The following MTOR variants were observed in gnomAD, a reference collection of about 807,000 sequenced individuals.
MTOR encodes mechanistic target of rapamycin kinase, also known as serine/threonine-protein kinase mTOR.
MTOR carries 70 observed loss-of-function variants against 319.8 expected under a neutral mutation model. The observed-to-expected ratio is 0.22, with a 90% CI of 0.18 to 0.27. The LOEUF (loss-of-function observed/expected upper bound fraction) is 0.27, where lower values mean the gene tolerates loss of function less well. Ranked by LOEUF, MTOR falls within the 10% of genes least tolerant of loss-of-function variation. The probability of loss-of-function intolerance (pLI) is 1.00; values close to 1 mark genes in which losing one functional copy is unlikely to be tolerated. For missense variants in MTOR, 1,890 were observed against 3,274.4 expected (o/e 0.58, Z 10.32); for synonymous variants, 1,183 against 1,211.4 (o/e 0.98, Z 0.49).
chr1:11,108,093 A>C, intron 57 of MTOR, 88 bp downstream of exon 57: 1 of 1,048,892 alleles, frequency 9.5e-7, no homozygotes, highest in South Asian at 1.3e-5. Context: ...ATACCTCACC[A>C]AATCTCTTTT....
At chr1:11,208,940 G>A (rs1007146210) in intron 25 of MTOR, among the ~76,000 whole-genome samples, 15 of 152,188 alleles carry the variant, frequency 9.9e-5, no homozygotes, top group Non-Finnish European at 2.9e-5. Flanking sequence ...CAACTGGTAA[G>A]CCCAATGAGT....
At chr1:11,179,035 T>C (rs1219105153) in intron 28 of MTOR, among the ~76,000 whole-genome samples, 1 of 152,194 alleles carries the variant, frequency 6.6e-6, no homozygotes, top group Admixed American at 6.5e-5. Flanking sequence ...GAAAAAACCA[T>C]GCCCACCTTC....
At chr1:11,130,925 G>C (rs995081581) in intron 38 of MTOR, 148 bp from the exon 39 acceptor site, 131 of 1,027,840 alleles carry the variant, frequency 1.3e-4, no homozygotes, top group Non-Finnish European at 1.7e-4. Context: ...CTCAGAAATG[G>C]CTGTTTTACT....
intron 28 of MTOR, among the ~76,000 whole-genome samples, chr1:11,169,540 G>GT (rs1644747168): frequency 6.6e-6 from 1 of 152,200 alleles, no homozygotes; most frequent in South Asian, 2.1e-4. Context: ...GTGATAACAA[G>GT]TTTGAGGGAG....
chr1:11,171,043 A>G (rs1469946474), intron 28 of MTOR, among the ~76,000 whole-genome samples: 2 of 151,110 alleles, frequency 1.3e-5, no homozygotes, highest in Non-Finnish European at 2.9e-5. Flanking sequence ...AAAAATACAA[A>G]AATTAGCTGG....
chr1:11,241,432 TA>T, intron 10 of MTOR, 120 bp downstream of exon 10: 1 of 1,256,886 alleles, frequency 8.0e-7, no homozygotes, highest in Non-Finnish European at 1.1e-6. Flanking sequence ...GTGTTTAGTC[TA>T]AGCTATCCTG....
In MTOR at chr1:11,168,610, T is replaced by C. The variant is rs561173260; in HGVS notation, c.4254-1093A>G. ...TTTGCAGAAGGCTGCCAAGGGACCA[T>C]ATCTAGAGTTTCTTGAACTGGCCTC... On this transcript the variant is annotated intron_variant, in intron 28 of 57. Transcript: ENST00000361445. Among the ~76,000 whole-genome samples the C allele has an allele frequency of 6.6e-5, 10 of 152,278 alleles. No homozygotes were observed. In the South Asian group the frequency reaches 1.5e-3, roughly 22 times the overall value.
chr1:11,213,057 C>G, intron 21 of MTOR, 149 bp from the exon 22 acceptor site: 1 of 623,322 alleles, frequency 1.6e-6, no homozygotes, highest in Non-Finnish European at 2.8e-6. Context: ...CTTTTGATAG[C>G]ACTTTCTTCC....
At chr1:11,163,363 A>AT (rs1367185337) in intron 29 of MTOR, among the ~76,000 whole-genome samples, 1 of 152,194 alleles carries the variant, frequency 6.6e-6, no homozygotes, top group African/African-American at 2.4e-5. Flanking sequence ...CACTGTCAAC[A>AT]TTAGACAGAT....
intron 29 of MTOR, among the ~76,000 whole-genome samples, chr1:11,165,252 A>G (rs1333995104): frequency 1.3e-5 from 2 of 151,302 alleles, no homozygotes; most frequent in African/African-American, 4.9e-5. Context: ...GGCCAGGACA[A>G]TCAGGCAGGA....
Position 11,233,441 on chromosome 1 carries a change from C to G in MTOR, c.2378G>C (p.Gly793Ala). The change falls in exon 15 of 58, where the codon GGT (glycine) becomes GCT (alanine). Residue 793 changes from glycine to alanine, a missense_variant. Gly to Ala is a moderately conservative substitution (Grantham distance 60). Coordinates refer to ENST00000361445, the MANE Select transcript of MTOR (RefSeq NM_004958.4). ...LKDPDPDPNP[G>A]VINNVLATIG... ...TGTTGCCAGGACATTATTGATCACA[C>G]CTGGGTTTGGATCAGGGTCTGGATC... is the stretch of plus-strand genomic sequence containing the variant. 1.2e-6 allele frequency: 2 copies of G among 1,614,084 alleles called. No individual in the cohort carries two copies. Among genetic ancestry groups the G allele is most frequent in the Non-Finnish European group, 1.7e-6 (2 of 1,180,016 alleles).
chr1:11,204,725 T>C (rs772280064), intron 25 of MTOR, 22 bp from the exon 26 acceptor site: 5 of 1,607,572 alleles, frequency 3.1e-6, no homozygotes, highest in Non-Finnish European at 4.3e-6. Context: ...CAGGTGACAA[T>C]GGAAAACAAT....
At chr1:11,255,495 T>C (rs1323266495) in intron 5 of MTOR, among the ~76,000 whole-genome samples, 2 of 151,636 alleles carry the variant, frequency 1.3e-5, no homozygotes, top group East Asian at 3.9e-4. Context: ...GGTATGGCTA[T>C]CAATAGATGT....
chr1:11,189,625 A>G, intron 28 of MTOR: 1 of 1,613,936 alleles, frequency 6.2e-7, no homozygotes, highest in South Asian at 1.1e-5. Context: ...CTGCATTTTC[A>G]TCGTGGCCTT....
At chr1:11,219,868 G>C (rs972822596) in intron 19 of MTOR, among the ~76,000 whole-genome samples, 1 of 151,074 alleles carries the variant, frequency 6.6e-6, no homozygotes, top group African/African-American at 2.4e-5. Context: ...TATTGAAAAT[G>C]CAAAAAACAA....
chr1:11,174,732 G>A (rs57868574), intron 28 of MTOR, among the ~76,000 whole-genome samples: 261 of 152,296 alleles, frequency 1.7e-3, no homozygotes, highest in African/African-American at 5.3e-3. Context: ...CCCCCTTAGC[G>A]AGGAACTCTT....
rs1480870765 is a variant in MTOR, at chr1:11,155,145, A to G, written c.4469+2007T>C. ...ATTCTTAAACTTTCCAAGGCAGGAA[A>G]TGTCTAAACAAATAAAAATTTGCCT... On this transcript the variant is annotated intron_variant, in intron 30 of 57. Transcript: ENST00000361445. Among the ~76,000 whole-genome samples the G allele has an allele frequency of 2.6e-5, 4 of 152,226 alleles. 1 individual carries two copies. The highest frequency in any genetic ancestry group is 3.8e-4 in the East Asian group (2 of 5,206).
chr1:11,154,399 G>A (rs1644253292), intron 30 of MTOR, among the ~76,000 whole-genome samples: 1 of 151,164 alleles, frequency 6.6e-6, no homozygotes, highest in African/African-American at 2.4e-5. Context: ...GCCTTTTAAT[G>A]TTAATTTATA....
At chr1:11,131,596 C>G (rs561689202) in intron 38 of MTOR, 1 of 152,400 alleles carries the variant, frequency 6.6e-6, no homozygotes, top group African/African-American at 2.4e-5. Flanking sequence ...ACCTAGCCCA[C>G]GGCCTGACAG....
Sources: allele counts gnomAD v4.1 joint callset (sites outside exome capture counted in the v4.1 genomes callset), GRCh38; gene constraint gnomAD v4.1.1; transcripts MANE v1.5; gene names NCBI Gene and HGNC (gene_info 2026-07-23, HGNC 2026-07-21).